UFSP2: variants seen among roughly 807,000 people sequenced by gnomAD.
The protein encoded by UFSP2 is UFM1 specific peptidase 2.
Under a neutral mutation model 60.2 loss-of-function variants are expected in UFSP2, and 43 were observed. That is an observed-to-expected ratio of 0.71 (90% CI 0.56 to 0.92). UFSP2 has a LOEUF of 0.92. Ranked by LOEUF, UFSP2 falls within the 40% of genes least tolerant of loss-of-function variation. UFSP2 has a pLI of 0.00. For missense variants in UFSP2, 520 were observed against 575.0 expected, an observed-to-expected ratio of 0.90 and a Z score of 0.98; for synonymous variants, 183 against 195.1, an observed-to-expected ratio of 0.94 and a Z score of 0.52.
chr4:185,403,983 A>AC (rs1323524079), intron 10 of UFSP2, among the ~76,000 whole-genome samples: 6 of 151,092 alleles, frequency 4.0e-5, no homozygotes, highest in East Asian at 1.9e-4. Flanking sequence ...AAAAACAAAA[A>AC]AAAACAACAT....
intron 7 of UFSP2, among the ~76,000 whole-genome samples, chr4:185,411,647 T>C (rs945818993): frequency 6.6e-6 from 1 of 152,176 alleles, no homozygotes; most frequent in Non-Finnish European, 1.5e-5. Context: ...TCTATAATTT[T>C]CCTTGAAATG....
chr4:185,425,186 C>T (rs972865545), intron 1 of UFSP2, among the ~76,000 whole-genome samples: 1 of 152,074 alleles, frequency 6.6e-6, no homozygotes, highest in African/African-American at 2.4e-5. Context: ...AGGATGATTT[C>T]CAGGTTTTGG....
At position 185,400,555 on chromosome 4, in the gene UFSP2, C is replaced by G. The variant is rs1393488276; in HGVS notation, c.1324-77G>C. 1.0e-5 allele frequency: 11 copies of G among 1,063,212 alleles called. No individual in the cohort carries two copies. In the East Asian group the frequency reaches 1.9e-4, roughly 19 times the overall value. 65.9% of individuals were successfully genotyped at this position (1,063,212 alleles called of 1,614,324 possible). Reference sequence around the variant, plus strand: ...GTCATGGAAATCGTGACATCAGGCTCTGTCAGCAGGACCTTGGAATAAGAC... The same window carrying G: ...GTCATGGAAATCGTGACATCAGGCTGTGTCAGCAGGACCTTGGAATAAGAC... On this transcript the variant is annotated intron_variant, in intron 11 of 11. Coordinates refer to ENST00000264689, the MANE Select transcript of UFSP2 (RefSeq NM_018359.5).
intron 1 of UFSP2, among the ~76,000 whole-genome samples, chr4:185,424,098 T>G (rs1272944909): frequency 6.7e-6 from 1 of 150,246 alleles, no homozygotes; most frequent in Non-Finnish European, 1.5e-5. Flanking sequence ...GCCCAGGAGT[T>G]AGAGACCAGA....
intron 8 of UFSP2, 84 bp from the exon 9 acceptor site, chr4:185,408,144 T>C (rs2095523580): frequency 3.2e-6 from 5 of 1,544,856 alleles, no homozygotes; most frequent in South Asian, 1.2e-5. Flanking sequence ...TGATTACCAG[T>C]ACAAGAATTT....
At chr4:185,411,693 G>C (rs1311390507) in intron 7 of UFSP2, among the ~76,000 whole-genome samples, 1 of 152,126 alleles carries the variant, frequency 6.6e-6, no homozygotes, top group Non-Finnish European at 1.5e-5. Flanking sequence ...AAATGAAGCA[G>C]ATATAGCAAA....
intron 1 of UFSP2, among the ~76,000 whole-genome samples, chr4:185,424,596 G>A (rs1387710130): frequency 6.6e-6 from 1 of 152,088 alleles, no homozygotes; most frequent in East Asian, 1.9e-4. Flanking sequence ...TTATTCTACC[G>A]TTGTTCATCA....
chr4:185,415,270 C>T lies in UFSP2; in HGVS notation c.569G>A (p.Gly190Glu). 1 of 1,600,488 alleles carries T rather than the reference C, an allele frequency of 6.2e-7. No homozygotes were observed. The highest frequency in any genetic ancestry group is 8.5e-7 in the Non-Finnish European group (1 of 1,176,952). The change falls in exon 6 of 12, where the codon GGA (glycine) becomes GAA (glutamate). Residue 190 changes from glycine (G) to glutamate (E), a missense_variant. Gly to Glu is a moderately conservative substitution (Grantham distance 98, BLOSUM62 -2). Coordinates refer to ENST00000264689, the MANE Select transcript of UFSP2 (RefSeq NM_018359.5). ...TGGTTCAGGGACCACAATAGATGTTCCTTTCATATATTTCAAAATACATTT... is the reference window on the plus strand; with the variant it reads ...TGGTTCAGGGACCACAATAGATGTTTCTTTCATATATTTCAAAATACATTT... ...MEKCILKYMK[G>E]TSIVVPEPLH...
intron 2 of UFSP2, among the ~76,000 whole-genome samples, chr4:185,421,075 T>C (rs2095548574): frequency 6.6e-6 from 1 of 152,218 alleles, no homozygotes; most frequent in African/African-American, 2.4e-5. Flanking sequence ...GATTTAGTCC[T>C]AGTAAAATGG....
chr4:185,407,808 T>C (rs1267056175), intron 9 of UFSP2, 128 bp downstream of exon 9: 4 of 985,742 alleles, frequency 4.1e-6, no homozygotes, highest in South Asian at 2.5e-5. Context: ...TATAAAGCAA[T>C]GAGTAATAAG....
chr4:185,402,515 G>C (rs1379871256), intron 11 of UFSP2, among the ~76,000 whole-genome samples: 2 of 152,090 alleles, frequency 1.3e-5, no homozygotes, highest in Non-Finnish European at 2.9e-5. Context: ...CACTCCTGTT[G>C]CCCAGGCTGG....
chr4:185,406,175 C>T, intron 9 of UFSP2: 2 of 351,712 alleles, frequency 5.7e-6, no homozygotes, highest in Non-Finnish European at 1.1e-5. Context: ...TCAGGGAGTT[C>T]TTATGGATGG....
chr4:185,402,267 A>C (rs1220921927), intron 11 of UFSP2: 1 of 454,304 alleles, frequency 2.2e-6, no homozygotes, highest in Non-Finnish European at 4.4e-6. Context: ...CTTGCTACAG[A>C]ACAAGAATAT....
At chr4:185,407,056 GTTTT>G (rs200789059) in intron 9 of UFSP2, among the ~76,000 whole-genome samples, 2 of 52,016 alleles carry the variant, frequency 3.8e-5, no homozygotes, top group African/African-American at 5.6e-5. Flanking sequence ...GTATTTTTCT[GTTTT>G]TTTTTTTTGA....
At chr4:185,403,341 T>C (rs192793812) in intron 11 of UFSP2, among the ~76,000 whole-genome samples, 153 bp downstream of exon 11, 7 of 152,328 alleles carry the variant, frequency 4.6e-5, no homozygotes, top group African/African-American at 1.7e-4. Flanking sequence ...ACATTCCCTA[T>C]ACAGAGACGG....
chr4:185,415,392 C>T lies in UFSP2; in HGVS notation c.492-45G>A. ...AGTGTATTAACAAAAGTTATAGTGA[C>T]TACAATAAAGAAAAGTACAGAGCTA... is the stretch of plus-strand genomic sequence containing the variant. On this transcript the variant is annotated intron_variant, in intron 5 of 11. Coordinates refer to ENST00000264689, the MANE Select transcript of UFSP2 (RefSeq NM_018359.5). 4 of 1,455,758 alleles carry T rather than the reference C, an allele frequency of 2.7e-6. No individual in the cohort carries two copies. In the South Asian group the frequency reaches 4.3e-5, roughly 16 times the overall value. The allele number at this position is 1,455,758 out of a possible 1,614,324, so 90.2% of individuals were successfully genotyped here.
chr4:185,402,140 C>G (rs1237703329), intron 11 of UFSP2: 1 of 310,384 alleles, frequency 3.2e-6, no homozygotes, highest in East Asian at 7.7e-5. Flanking sequence ...TTTGCACTCT[C>G]CTTCTCTGTC....
At chr4:185,421,909 T>G (rs1325720253) in intron 2 of UFSP2, among the ~76,000 whole-genome samples, 1 of 152,216 alleles carries the variant, frequency 6.6e-6, no homozygotes, top group African/African-American at 2.4e-5. Context: ...GCCAAATGCC[T>G]GTTGGGAATT....
intron 1 of UFSP2, among the ~76,000 whole-genome samples, chr4:185,424,750 A>G (rs2095556128): frequency 1.3e-5 from 2 of 152,240 alleles, no homozygotes; most frequent in South Asian, 4.1e-4. Context: ...GGAAAGAACA[A>G]ATTTTAACTC....
Sources: gnomAD v4.1 joint callset for allele counts (sites outside exome capture counted in the v4.1 genomes callset) on GRCh38, gnomAD v4.1.1 for gene constraint, MANE v1.5 for transcripts, NCBI Gene and HGNC (gene_info 2026-07-23, HGNC 2026-07-21) for gene names.